Variants in DTX4 observed in about 807,000 individuals in gnomAD.
DTX4 encodes the protein deltex E3 ubiquitin ligase 4.
A neutral mutation model predicts 57.6 loss-of-function variants in DTX4; 28 were observed. The ratio of observed to expected loss-of-function variants is 0.49; its 90% confidence interval spans 0.36 to 0.67. The LOEUF is 0.67. Ranked by LOEUF, DTX4 falls within the 30% of genes least tolerant of loss-of-function variation. DTX4 has a pLI of 0.00. For missense variants in DTX4, 715 were observed against 836.8 expected (o/e 0.85, Z 1.80); for synonymous variants, 316 against 331.0 (o/e 0.95, Z 0.49).
chr11:59,204,556 G>C lies in DTX4; in HGVS notation c.1627-120G>C, dbSNP rs1418027994. The C allele has an allele frequency of 1.3e-5, 12 of 916,022 alleles. No homozygotes were observed. In the African/African-American group the frequency reaches 1.6e-4, roughly 13 times the overall value. 56.7% of individuals were successfully genotyped at this position (916,022 alleles called of 1,614,324 possible). On this transcript the variant is annotated intron_variant, in intron 8 of 8. Transcript: ENST00000227451. ...CAAATCTCTTTCTTTCCCCTGGGCTGCTTAGGGTATCATGATGCAGGAAGG... is the reference window on the plus strand; with the variant it reads ...CAAATCTCTTTCTTTCCCCTGGGCTCCTTAGGGTATCATGATGCAGGAAGG...
chr11:59,198,348 T>C (rs1210335817), intron 7 of DTX4, among the ~76,000 whole-genome samples: 2 of 152,208 alleles, frequency 1.3e-5, no homozygotes, highest in East Asian at 3.8e-4. Flanking sequence ...CAACTTGATT[T>C]AGAAACAGCT....
chr11:59,194,132 A>G (rs754391871), intron 6 of DTX4, among the ~76,000 whole-genome samples: 18 of 152,180 alleles, frequency 1.2e-4, no homozygotes, highest in Non-Finnish European at 1.8e-4. Context: ...CCGAGTTGCA[A>G]TGCAAAGCTG....
chr11:59,194,245 C>T (rs1212987757), intron 6 of DTX4, among the ~76,000 whole-genome samples: 1 of 152,164 alleles, frequency 6.6e-6, no homozygotes, highest in Non-Finnish European at 1.5e-5. Flanking sequence ...TTCTTCCAGG[C>T]CATTGTCAGA....
rs1862471342 is a variant in DTX4, at chr11:59,182,090, C to T, written c.563C>T (p.Pro188Leu). ...CCAGCCACCTCGCCCCCCATGTCCC[C>T]CTGCTCCTGTCCCCAGTGTGTCTTG... ...PGPATSPPMS[P>L]CSCPQCVLVM... The change falls in exon 2 of 9, where the codon CCC becomes CTC. Residue 188 changes from proline to leucine, a missense_variant. Physicochemically the swap from Pro to Leu is moderately conservative, Grantham distance 98 (BLOSUM62 -3). Transcript: ENST00000227451. The T allele has an allele frequency of 6.2e-7, 1 of 1,613,118 alleles. No homozygotes were observed.
At chr11:59,184,605 C>T (rs183675908) in intron 2 of DTX4, among the ~76,000 whole-genome samples, 2 of 152,206 alleles carry the variant, frequency 1.3e-5, no homozygotes, top group Non-Finnish European at 2.9e-5. Flanking sequence ...TCATTTCCAT[C>T]ACTGAGGGAG....
At chr11:59,172,030 C>T (rs2135507659), upstream of DTX4, among the ~76,000 whole-genome samples, 1 of 145,878 alleles carries the variant, frequency 6.9e-6, no homozygotes, top group East Asian at 2.0e-4. Flanking sequence ...AGGAACTGAG[C>T]AGAGCCACAG....
chr11:59,206,095 G>C lies in DTX4; in HGVS notation c.*1186G>C, dbSNP rs1413200310. 6.6e-6 allele frequency: 1 copy of C among 152,204 alleles called. No homozygotes were observed. Among genetic ancestry groups the C allele is most frequent in the African/African-American group, 2.4e-5 (1 of 41,444 alleles). The allele number at this position is 152,204 out of a possible 1,614,324, so 9.4% of individuals were successfully genotyped here. A position where few individuals can be genotyped will look rare whatever the true frequency, so the allele number is the denominator to read the frequency against. ...CCTTTTATATTTCTTTTCAAGATTGGATCAGAGCTCATCTCCATCCAGTCT... is the reference window on the plus strand; with the variant it reads ...CCTTTTATATTTCTTTTCAAGATTGCATCAGAGCTCATCTCCATCCAGTCT... On this transcript the variant is annotated 3_prime_UTR_variant, in exon 9 of 9. Coordinates refer to ENST00000227451, the MANE Select transcript of DTX4 (RefSeq NM_015177.2).
chr11:59,190,685 A>C (rs989553585), intron 4 of DTX4, among the ~76,000 whole-genome samples: 14 of 152,334 alleles, frequency 9.2e-5, no homozygotes, highest in African/African-American at 3.1e-4. Context: ...TCCCATAAAA[A>C]TAATCACACT....
intron 6 of DTX4, among the ~76,000 whole-genome samples, chr11:59,194,560 A>G (rs999944927): frequency 4.6e-5 from 7 of 152,212 alleles, no homozygotes; most frequent in East Asian, 1.9e-4. Flanking sequence ...AGATCTTCCT[A>G]TAGATTATCT....
Position 59,191,332 on chromosome 11 carries a change from G to C in DTX4, c.1221+157G>C, listed in dbSNP as rs565894162. ...CTGACACTGAGGGTTCAAGGTCCAT[G>C]GTCCAGAGCTGCAGCTGCACCTCAA... is the stretch of plus-strand genomic sequence containing the variant. On this transcript the variant is annotated intron_variant, in intron 5 of 8. Transcript: ENST00000227451. 3.3e-5 allele frequency among the ~76,000 whole-genome samples: 5 copies of C among 152,260 alleles called. No homozygotes were observed. The South Asian group carries it at 1.0e-3, about 32-fold the overall frequency.
At chr11:59,172,925 A>T (rs1319762582) in intron 1 of DTX4, 119 bp downstream of exon 1, 2 of 685,488 alleles carry the variant, frequency 2.9e-6, no homozygotes, top group African/African-American at 3.8e-5. Context: ...CAGCAGTGTC[A>T]CCAAGAGGTG....
chr11:59,190,494 G>A (rs901381587), intron 4 of DTX4, among the ~76,000 whole-genome samples: 2 of 152,136 alleles, frequency 1.3e-5, no homozygotes, highest in Admixed American at 1.3e-4. Context: ...TCTACCTTCA[G>A]GTTGGGCTAC....
intron 1 of DTX4, among the ~76,000 whole-genome samples, chr11:59,174,678 C>T (rs903819731): frequency 3.9e-5 from 6 of 152,020 alleles, no homozygotes; most frequent in African/African-American, 1.5e-4. Context: ...GGTTCATGAC[C>T]CTTTCTACAG....
At chr11:59,183,583 G>A (rs564913737) in intron 2 of DTX4, among the ~76,000 whole-genome samples, 32 of 152,236 alleles carry the variant, frequency 2.1e-4, no homozygotes, top group Non-Finnish European at 4.1e-4. Flanking sequence ...CAGCTGATCC[G>A]GATGGTTTTC....
intron 2 of DTX4, among the ~76,000 whole-genome samples, chr11:59,187,060 C>T (rs1339060122): frequency 6.6e-6 from 1 of 152,214 alleles, no homozygotes; most frequent in Non-Finnish European, 1.5e-5. Context: ...AAGAACCTTC[C>T]TTACAGGCAT....
chr11:59,188,381 G>T (rs1240906845), intron 2 of DTX4, among the ~76,000 whole-genome samples: 3 of 152,200 alleles, frequency 2.0e-5, no homozygotes, highest in Non-Finnish European at 4.4e-5. Context: ...AGGGCATTTT[G>T]GGTACAGGGA....
At chr11:59,193,483 C>T (rs1029549058) in intron 6 of DTX4, among the ~76,000 whole-genome samples, 9 of 151,976 alleles carry the variant, frequency 5.9e-5, no homozygotes, top group Admixed American at 5.9e-4. Flanking sequence ...CTTTCCCAAC[C>T]CTGGGCTAAA....
intron 8 of DTX4, among the ~76,000 whole-genome samples, chr11:59,202,295 C>A (rs1020760088): frequency 5.3e-5 from 8 of 152,298 alleles, no homozygotes; most frequent in African/African-American, 1.9e-4. Flanking sequence ...GCCAGACCAG[C>A]CTGGGTTCAA....
intron 2 of DTX4, among the ~76,000 whole-genome samples, chr11:59,185,039 G>C (rs959198550): frequency 1.3e-5 from 2 of 152,210 alleles, no homozygotes; most frequent in Non-Finnish European, 2.9e-5. Flanking sequence ...AGGAAGACCA[G>C]GGAGGGCGGG....
Sources: allele counts gnomAD v4.1 joint callset (sites outside exome capture counted in the v4.1 genomes callset), GRCh38; gene constraint gnomAD v4.1.1; transcripts MANE v1.5; gene names NCBI Gene and HGNC (gene_info 2026-07-23, HGNC 2026-07-21).